The following TENT4A variants were observed in gnomAD, a reference collection of about 807,000 sequenced individuals.
The protein encoded by TENT4A is DNA polymerase kappa.
Under a neutral mutation model 72.8 loss-of-function variants are expected in TENT4A, and 7 were observed. The observed-to-expected ratio is 0.10, with a 90% confidence interval of 0.05 to 0.18. The LOEUF (loss-of-function observed/expected upper bound fraction) is 0.18, where lower values mean the gene tolerates loss of function less well. Ranked by LOEUF, TENT4A falls within the 10% of genes least tolerant of loss-of-function variation. The pLI, the probability that TENT4A is intolerant of heterozygous loss-of-function variation, is 1.00. For synonymous variants in TENT4A, 456 were observed against 434.3 expected, an observed-to-expected ratio of 1.05 and a Z score of -0.62; for missense variants, 831 against 1,017.7, an observed-to-expected ratio of 0.82 and a Z score of 2.50.
Position 6,751,054 on chromosome 5 carries a change from C to T in TENT4A, c.1876C>T (p.Pro626Ser). Residue 626 changes from proline to serine, a missense_variant, in exon 11 of 13, where the codon CCC becomes TCC. Physicochemically the swap from Pro to Ser is moderately conservative, Grantham distance 74. Coordinates refer to ENST00000230859, the MANE Select transcript of TENT4A (RefSeq NM_006999.6). ...SGSDVDSDTP[P>S]CTTPSVYQFS... The stretch of plus-strand genomic sequence containing the variant: ...CGGGTTCAAGGATTCAGACACACCG[C>T]CCTGCACAACGCCCAGTGTTTACCA... The T allele has an allele frequency of 1.2e-6, 2 of 1,614,206 alleles. No homozygotes were observed. The highest frequency in any genetic ancestry group is 1.7e-6 in the Non-Finnish European group (2 of 1,180,036).
At chr5:6,730,356 G>C (rs1293848478) in intron 1 of TENT4A, among the ~76,000 whole-genome samples, 2 of 152,088 alleles carry the variant, frequency 1.3e-5, no homozygotes, top group Admixed American at 1.3e-4. Flanking sequence ...TCTGAGTTCC[G>C]CATTGATTCC....
At position 6,749,545 on chromosome 5, in the gene TENT4A, G is replaced by C; in HGVS notation, c.1587-12G>C. 1 of 1,576,422 alleles carries C rather than the reference G, an allele frequency of 6.3e-7. No homozygotes were observed. Among genetic ancestry groups the C allele is most frequent in the Non-Finnish European group, 8.7e-7 (1 of 1,145,630 alleles). On this transcript the variant is annotated splice_polypyrimidine_tract_variant and intron_variant, in intron 8 of 12. Transcript: ENST00000230859. ...TTGTACTCTGTTGATCTCCAACAAT[G>C]TCCCTTTGCAGTACTTTAGGAAGAA...
intron 8 of TENT4A, among the ~76,000 whole-genome samples, chr5:6,749,082 G>A (rs1742256377): frequency 6.6e-6 from 1 of 152,222 alleles, no homozygotes; most frequent in Non-Finnish European, 1.5e-5. Context: ...TGATAGATCT[G>A]TTCTGTGGTG....
chr5:6,720,786 T>G (rs1406616986), intron 1 of TENT4A, among the ~76,000 whole-genome samples: 1 of 152,146 alleles, frequency 6.6e-6, no homozygotes, highest in Non-Finnish European at 1.5e-5. Flanking sequence ...GTTCACGAGG[T>G]GTCCTGCATT....
In TENT4A at chr5:6,742,558, G is replaced by A. The variant is rs141003935; in HGVS notation, c.1077G>A (p.Thr359=). The A allele has an allele frequency of 1.1e-5, 17 of 1,613,102 alleles. No individual in the cohort carries two copies. The highest frequency in any genetic ancestry group is 8.9e-5 in the East Asian group (4 of 44,884). ...TTGACATCAGCTTTAACATGGAGAC[G>A]GGCGTCCGGGCAGCGGAGTTCATCA... ...VKVDISFNME[T]GVRAAEFIKN... Residue 359 remains threonine (T), a synonymous_variant, in exon 5 of 13, where the codon ACG becomes ACA. Transcript: ENST00000230859.
At position 6,745,422 on chromosome 5, in the gene TENT4A, T is replaced by A. The variant is rs151284103; in HGVS notation, c.1246-792T>A. 3.0e-3 allele frequency among the ~76,000 whole-genome samples: 454 copies of A among 152,326 alleles called. 2 individuals carry two copies. Among genetic ancestry groups the A allele is most frequent in the African/African-American group, 0.01 (431 of 41,588 alleles). On this transcript the variant is annotated intron_variant, in intron 6 of 12. Transcript: ENST00000230859. Reference sequence around the variant, plus strand: ...GGCACTGTCCGATAGAATTCTGTGATGGTGATGGCCACTTCTGCATGGTCC... The same window carrying A: ...GGCACTGTCCGATAGAATTCTGTGAAGGTGATGGCCACTTCTGCATGGTCC...
chr5:6,739,520 C>T (rs1224604437), intron 3 of TENT4A, among the ~76,000 whole-genome samples: 3 of 152,210 alleles, frequency 2.0e-5, no homozygotes, highest in Admixed American at 6.5e-5. Flanking sequence ...CCATCTTATG[C>T]TACAAATATG....
intron 6 of TENT4A, among the ~76,000 whole-genome samples, chr5:6,745,682 T>G (rs1283166296): frequency 2.0e-5 from 3 of 152,184 alleles, no homozygotes; most frequent in Admixed American, 2.0e-4. Context: ...AGAGTGGTGC[T>G]CATCTGTGTG....
Position 6,751,193 on chromosome 5 carries a change from A to G in TENT4A, c.2015A>G (p.Asn672Ser), listed in dbSNP as rs551425981. 1.9e-6 allele frequency: 3 copies of G among 1,614,060 alleles called. No individual in the cohort carries two copies. The highest frequency in any genetic ancestry group is 2.2e-5 in the South Asian group (2 of 91,084). The change falls in exon 11 of 13, where the codon AAT becomes AGT. Residue 672 changes from asparagine to serine, a missense_variant. This residue lies in a region of TENT4A where 332 missense variants were observed against 324.3 expected (regional missense o/e 1.02). Transcript: ENST00000230859. ...TSRTLIMTTN[N>S]QTRFTIPPPT... is the part of the protein sequence containing the mutation. ...AGAACACTGATCATGACAACCAACAATCAGGTACGTGGCCCTCTGGCACCC... is the reference window on the plus strand; with the variant it reads ...AGAACACTGATCATGACAACCAACAGTCAGGTACGTGGCCCTCTGGCACCC...
intron 1 of TENT4A, among the ~76,000 whole-genome samples, chr5:6,723,447 T>C (rs274713): frequency 1.3e-5 from 2 of 151,886 alleles, no homozygotes; most frequent in Non-Finnish European, 2.9e-5. Context: ...TTTGCTCCTT[T>C]AGTTCCCAGA....
chr5:6,733,429 A>C (rs1320715079), intron 1 of TENT4A, among the ~76,000 whole-genome samples: 2 of 152,232 alleles, frequency 1.3e-5, no homozygotes, highest in African/African-American at 4.8e-5. Flanking sequence ...CTGAGATGCC[A>C]CCTTTGTGAT....
intron 1 of TENT4A, among the ~76,000 whole-genome samples, chr5:6,725,102 A>G (rs1740843774): frequency 6.6e-6 from 1 of 152,244 alleles, no homozygotes; most frequent in Admixed American, 6.5e-5. Context: ...AGGGCGGATC[A>G]CAAGTTCAGG....
intron 3 of TENT4A, 37 bp from the exon 4 acceptor site, chr5:6,739,695 A>T: frequency 6.2e-7 from 1 of 1,611,478 alleles, no homozygotes; most frequent in Non-Finnish European, 8.5e-7. Flanking sequence ...GGCTGTGGCG[A>T]GGGGAGCAGT....
chr5:6,746,144 T>A, intron 6 of TENT4A, 70 bp from the exon 7 acceptor site: 6 of 1,609,852 alleles, frequency 3.7e-6, no homozygotes, highest in Non-Finnish European at 5.1e-6. Flanking sequence ...GACAGCAGAC[T>A]TCGTCGCGTG....
chr5:6,723,967 G>A (rs982889466), intron 1 of TENT4A, among the ~76,000 whole-genome samples: 6 of 152,224 alleles, frequency 3.9e-5, no homozygotes, highest in African/African-American at 1.4e-4. Flanking sequence ...CTGTTTACTC[G>A]CTGTTTCATC....
intron 11 of TENT4A, among the ~76,000 whole-genome samples, chr5:6,752,171 A>T (rs1450477139): frequency 1.3e-5 from 2 of 152,230 alleles, no homozygotes; most frequent in Non-Finnish European, 2.9e-5. Context: ...TTAACCACCC[A>T]CAAGCCTTGG....
chr5:6,724,172 A>T (rs754816911), intron 1 of TENT4A, among the ~76,000 whole-genome samples: 22 of 152,250 alleles, frequency 1.4e-4, no homozygotes, highest in Non-Finnish European at 2.6e-4. Flanking sequence ...GCCCAGATGC[A>T]GGTCTGCATG....
chr5:6,745,734 G>A (rs1322326381), intron 6 of TENT4A, among the ~76,000 whole-genome samples: 2 of 152,150 alleles, frequency 1.3e-5, no homozygotes, highest in South Asian at 2.1e-4. Flanking sequence ...GTGATATAAT[G>A]CTAATGACCT....
intron 1 of TENT4A, among the ~76,000 whole-genome samples, chr5:6,731,722 A>G (rs765163198): frequency 2.6e-5 from 4 of 151,952 alleles, no homozygotes; most frequent in African/African-American, 4.8e-5. Flanking sequence ...TCTTGTAACC[A>G]GATTGGAGGA....
Sources: allele counts gnomAD v4.1 joint callset (sites outside exome capture counted in the v4.1 genomes callset), GRCh38; gene constraint gnomAD v4.1.1; regional missense constraint gnomAD v4.1.1; transcripts MANE v1.5; gene names NCBI Gene and HGNC (gene_info 2026-07-23, HGNC 2026-07-21).